Variants in MBNL1 observed in about 807,000 individuals in gnomAD.
The protein encoded by MBNL1 is muscleblind like splicing regulator 1.
Under a neutral mutation model 42.2 loss-of-function variants are expected in MBNL1, and 8 were observed. The ratio of observed to expected loss-of-function variants is 0.19; its 90% CI spans 0.11 to 0.34. MBNL1 has a LOEUF of 0.34. Ranked by LOEUF, MBNL1 falls within the 10% of genes least tolerant of loss-of-function variation. The pLI is 1.00. For missense variants in MBNL1, 309 were observed against 495.3 expected (o/e 0.62, Z 3.57); for synonymous variants, 169 against 173.9 (o/e 0.97, Z 0.22).
chr3:152,404,118 A>T (rs1161595135), intron 2 of MBNL1, among the ~76,000 whole-genome samples: 1 of 152,170 alleles, frequency 6.6e-6, no homozygotes, highest in Admixed American at 6.5e-5. Context: ...TTTGTTTTTC[A>T]GTTAGGGAAT....
chr3:152,315,735 T>C (rs949032858), intron 2 of MBNL1, among the ~76,000 whole-genome samples: 2 of 152,170 alleles, frequency 1.3e-5, no homozygotes, highest in Admixed American at 1.3e-4. Flanking sequence ...TTGGCTCTAA[T>C]CCATGGAAAA....
intron 2 of MBNL1, among the ~76,000 whole-genome samples, chr3:152,261,552 C>T (rs1317265405): frequency 6.6e-6 from 1 of 152,110 alleles, no homozygotes; most frequent in Non-Finnish European, 1.5e-5. Context: ...GTGTGAATGA[C>T]TTTAATCAGA....
intron 2 of MBNL1, among the ~76,000 whole-genome samples, chr3:152,359,641 C>A (rs2095795870): frequency 6.6e-6 from 1 of 152,248 alleles, no homozygotes; most frequent in East Asian, 1.9e-4. Context: ...ATTTGAGAAT[C>A]CCAGGATTTT....
Position 152,260,360 on chromosome 3 carries a change from C to T in MBNL1, n.333+15920C>T, listed in dbSNP as rs370216057. On this transcript the variant is annotated intron_variant and non_coding_transcript_variant, in intron 2 of 2. Transcript: ENST00000477171. ...GGGCCAGGAGGGTCAACTGGACTGA[C>T]GGCACATTCACGAAGGCCATAAACT... Among the ~76,000 whole-genome samples the T allele has an allele frequency of 1.6e-4, 25 of 152,212 alleles. No individual in the cohort carries two copies. In the East Asian group the frequency reaches 2.3e-3, roughly 14 times the overall value.
At position 152,336,409 on chromosome 3, in the gene MBNL1, G is replaced by T. The variant is rs144626012; in HGVS notation, c.174+36042G>T. Among the ~76,000 whole-genome samples the T allele has an allele frequency of 2.4e-3, 369 of 152,196 alleles. 1 individual carries two copies. Among genetic ancestry groups the T allele is most frequent in the African/African-American group, 8.5e-3 (352 of 41,542 alleles). ...TTAAAAAAAGGTCAGCCTCCATTTG[G>T]ATTCTGCCATAGAGGCTTACACAAT... On this transcript the variant is annotated intron_variant, in intron 2 of 9. Transcript: ENST00000324210.
intron 2 of MBNL1, among the ~76,000 whole-genome samples, chr3:152,341,894 A>G (rs915998741): frequency 6.6e-6 from 1 of 152,202 alleles, no homozygotes; most frequent in Non-Finnish European, 1.5e-5. Context: ...TATTATTTTT[A>G]GGTGGAAATA....
At chr3:152,458,504 A>G (rs1738331783) in intron 8 of MBNL1, 1 of 298,580 alleles carries the variant, frequency 3.3e-6, no homozygotes, top group South Asian at 3.8e-5. Context: ...CAGCCAGTAA[A>G]TGGATCTCTG....
chr3:152,369,649 T>A (rs2153227941), intron 2 of MBNL1, among the ~76,000 whole-genome samples: 1 of 152,296 alleles, frequency 6.6e-6, no homozygotes, highest in South Asian at 2.1e-4. Flanking sequence ...CTGGGCTTTT[T>A]TTGGTTGATA....
intron 1 of MBNL1, among the ~76,000 whole-genome samples, chr3:152,282,231 A>G (rs941786825): frequency 3.3e-5 from 5 of 152,180 alleles, no homozygotes; most frequent in South Asian, 2.1e-4. Flanking sequence ...TAATATACCT[A>G]TGCAAATTTA....
At chr3:152,413,559 G>A (rs1411739398) in intron 2 of MBNL1, among the ~76,000 whole-genome samples, 2 of 152,206 alleles carry the variant, frequency 1.3e-5, no homozygotes, top group Non-Finnish European at 2.9e-5. Flanking sequence ...CTAGCCTAGT[G>A]TAGAGACATT....
chr3:152,387,468 CTG>C (rs776060763), intron 2 of MBNL1, among the ~76,000 whole-genome samples: 2 of 152,034 alleles, frequency 1.3e-5, no homozygotes, highest in Non-Finnish European at 2.9e-5. Flanking sequence ...CTAAATGAAA[CTG>C]TATATTTCCC....
intron 2 of MBNL1, among the ~76,000 whole-genome samples, chr3:152,318,464 A>C (rs1272290549): frequency 6.6e-6 from 1 of 152,192 alleles, no homozygotes; most frequent in Non-Finnish European, 1.5e-5. Context: ...AGTACAAATA[A>C]AACTGCATTT....
upstream of MBNL1, chr3:152,268,686 G>GAT (rs1559950724): frequency 9.1e-6 from 4 of 441,668 alleles, no homozygotes; most frequent in African/African-American, 8.1e-5. Context: ...CGGCGCCGCT[G>GAT]GGCGACCGCC....
intron 1 of MBNL1, among the ~76,000 whole-genome samples, chr3:152,293,249 T>A (rs1216396366): frequency 6.6e-6 from 1 of 152,194 alleles, no homozygotes; most frequent in African/African-American, 2.4e-5. Context: ...AATACTTACC[T>A]CTGCTTTTTG....
At chr3:152,277,693 C>T (rs2046080091) in intron 1 of MBNL1, among the ~76,000 whole-genome samples, 1 of 152,010 alleles carries the variant, frequency 6.6e-6, no homozygotes, top group Non-Finnish European at 1.5e-5. Context: ...GAGGACCTTA[C>T]AAGCTTTTTA....
intron 2 of MBNL1, among the ~76,000 whole-genome samples, chr3:152,312,392 G>A (rs778655330): frequency 1.3e-5 from 2 of 152,078 alleles, no homozygotes; most frequent in Non-Finnish European, 2.9e-5. Context: ...GTGTTTTGGC[G>A]ATTTTCATGG....
chr3:152,419,712 TG>T (rs2098769209), intron 3 of MBNL1, among the ~76,000 whole-genome samples: 4 of 151,800 alleles, frequency 2.6e-5, no homozygotes, highest in African/African-American at 9.7e-5. Flanking sequence ...TTTGTTTGTT[TG>T]TTTGTTTGTT....
intron 2 of MBNL1, among the ~76,000 whole-genome samples, chr3:152,367,076 T>C (rs2096419713): frequency 6.6e-6 from 1 of 152,184 alleles, no homozygotes; most frequent in Admixed American, 6.6e-5. Context: ...CTGGGATACA[T>C]GTGCAGAATG....
chr3:152,311,240 C>T (rs951745494), intron 2 of MBNL1, among the ~76,000 whole-genome samples: 1 of 152,068 alleles, frequency 6.6e-6, no homozygotes, highest in Non-Finnish European at 1.5e-5. Flanking sequence ...AACTCCTGAC[C>T]TCGTGATCCG....
Sources: allele counts gnomAD v4.1 joint callset (sites outside exome capture counted in the v4.1 genomes callset), GRCh38; gene constraint gnomAD v4.1.1; transcripts MANE v1.5; gene names NCBI Gene and HGNC (gene_info 2026-07-23, HGNC 2026-07-21).